The following PPARGC1A variants were observed in gnomAD, a reference collection of about 807,000 sequenced individuals.
The protein encoded by PPARGC1A is peroxisome proliferator-activated receptor gamma coactivator 1-alpha.
In PPARGC1A, 25 loss-of-function variants were observed where a neutral mutation model predicts 88.7. The ratio of observed to expected loss-of-function variants is 0.28; its 90% CI spans 0.21 to 0.39. The LOEUF (loss-of-function observed/expected upper bound fraction) is 0.39. Ranked by LOEUF, PPARGC1A falls within the 10% of genes least tolerant of loss-of-function variation. PPARGC1A has a pLI of 1.00. For synonymous variants in PPARGC1A, 363 were observed against 355.6 expected, an observed-to-expected ratio of 1.02 and a Z score of -0.24; for missense variants, 880 against 968.7, an observed-to-expected ratio of 0.91 and a Z score of 1.22.
At chr4:24,126,382 T>C in the PPARGC1A span, among the ~76,000 whole-genome samples, 2 of 152,102 alleles carry the variant, frequency 1.3e-5, no homozygotes, top group Non-Finnish European at 2.9e-5. Flanking sequence ...AGTCTAAAGT[T>C]ACACAAGGGG....
At chr4:23,927,950 T>G in the PPARGC1A span, among the ~76,000 whole-genome samples, 1 of 152,134 alleles carries the variant, frequency 6.6e-6, no homozygotes, top group Non-Finnish European at 1.5e-5. Context: ...GCATTAATCT[T>G]TTGGTTACTA....
At chr4:24,425,481 A>C in the PPARGC1A span, among the ~76,000 whole-genome samples, 1 of 152,214 alleles carries the variant, frequency 6.6e-6, no homozygotes, top group African/African-American at 2.4e-5. Flanking sequence ...ATTCTTCTCT[A>C]CTTTAGACAA....
chr4:23,941,131 TCCC>T, the PPARGC1A span, among the ~76,000 whole-genome samples: 182 of 152,194 alleles, frequency 1.2e-3, 1 homozygote, highest in African/African-American at 3.8e-3. Context: ...GCTCACTGTA[TCCC>T]CCAACTCCCC....
At chr4:24,076,601 G>C in the PPARGC1A span, among the ~76,000 whole-genome samples, 6 of 152,188 alleles carry the variant, frequency 3.9e-5, no homozygotes, top group East Asian at 1.2e-3. Context: ...GCCAAGCCTG[G>C]GGGGCTGGAC....
the PPARGC1A span, among the ~76,000 whole-genome samples, chr4:24,225,102 C>A: frequency 2.4e-4 from 36 of 152,016 alleles, no homozygotes; most frequent in Non-Finnish European, 4.6e-4. Flanking sequence ...TATGGGGAGC[C>A]CCTGAAGGGT....
At chr4:24,421,233 T>A in the PPARGC1A span, among the ~76,000 whole-genome samples, 1 of 152,074 alleles carries the variant, frequency 6.6e-6, no homozygotes, top group South Asian at 2.1e-4. Context: ...CAGGAGTATG[T>A]CCCAAATATT....
At chr4:23,935,159 T>C in the PPARGC1A span, among the ~76,000 whole-genome samples, 2 of 152,176 alleles carry the variant, frequency 1.3e-5, no homozygotes, top group Admixed American at 1.3e-4. Flanking sequence ...CTGCCCACAA[T>C]GCTCGCATGC....
At chr4:24,024,253 G>A in the PPARGC1A span, among the ~76,000 whole-genome samples, 6 of 152,154 alleles carry the variant, frequency 3.9e-5, no homozygotes, top group Non-Finnish European at 8.8e-5. Flanking sequence ...CTTATCTCAC[G>A]TAATCCTCCC....
the PPARGC1A span, among the ~76,000 whole-genome samples, chr4:24,100,545 C>T: frequency 1.3e-5 from 2 of 152,176 alleles, no homozygotes; most frequent in Non-Finnish European, 2.9e-5. Context: ...ATGACAAGTG[C>T]ATGACGCCGC....
At chr4:24,349,934 C>A in the PPARGC1A span, among the ~76,000 whole-genome samples, 9 of 152,334 alleles carry the variant, frequency 5.9e-5, no homozygotes, top group Admixed American at 5.9e-4. Context: ...TGGTGCCAGG[C>A]AGGAATGGGC....
At chr4:24,243,498 G>GA in the PPARGC1A span, among the ~76,000 whole-genome samples, 1 of 152,166 alleles carries the variant, frequency 6.6e-6, no homozygotes, top group Non-Finnish European at 1.5e-5. Context: ...GGTGCAACTA[G>GA]AAAAGACTAG....
intron 7 of PPARGC1A, among the ~76,000 whole-genome samples, chr4:23,822,364 T>G (rs968172564): frequency 2.6e-5 from 4 of 152,090 alleles, no homozygotes; most frequent in Non-Finnish European, 5.9e-5. Flanking sequence ...CAAGTCAGGT[T>G]AGCCTATGGA....
the PPARGC1A span, among the ~76,000 whole-genome samples, chr4:24,032,487 C>T: frequency 6.6e-6 from 1 of 152,212 alleles, no homozygotes; most frequent in Non-Finnish European, 1.5e-5. Context: ...GTACTAGCTA[C>T]AATACCAGCT....
intron 10 of PPARGC1A, among the ~76,000 whole-genome samples, chr4:23,809,227 A>G (rs1720422569): frequency 6.6e-6 from 1 of 152,172 alleles, no homozygotes; most frequent in African/African-American, 2.4e-5. Flanking sequence ...CCCTGCACTC[A>G]AGTCCATAAA....
chr4:23,919,395 C>T, the PPARGC1A span, among the ~76,000 whole-genome samples: 1 of 152,006 alleles, frequency 6.6e-6, no homozygotes, highest in African/African-American at 2.4e-5. Flanking sequence ...TCAGTTTCCC[C>T]ATCTCTAAAA....
At chr4:24,430,253 T>G in the PPARGC1A span, among the ~76,000 whole-genome samples, 3 of 138,546 alleles carry the variant, frequency 2.2e-5, no homozygotes, top group Non-Finnish European at 4.6e-5. Flanking sequence ...TATTTTGTAT[T>G]TCTTTTTTTT....
At chr4:24,228,752 C>T in the PPARGC1A span, among the ~76,000 whole-genome samples, 3 of 152,182 alleles carry the variant, frequency 2.0e-5, no homozygotes, top group Admixed American at 2.0e-4. Context: ...GCTAATACTG[C>T]CTAAACATAC....
At chr4:24,450,805 A>T in the PPARGC1A span, among the ~76,000 whole-genome samples, 1 of 152,216 alleles carries the variant, frequency 6.6e-6, no homozygotes, top group East Asian at 1.9e-4. Context: ...AAGGAAAAAA[A>T]AATAGCTGTT....
the PPARGC1A span, among the ~76,000 whole-genome samples, chr4:23,942,884 A>G: frequency 3.3e-4 from 50 of 152,326 alleles, no homozygotes; most frequent in African/African-American, 1.2e-3. Flanking sequence ...CACTACAGAA[A>G]TACTTCAAGC....
Sources: gnomAD v4.1 joint callset for allele counts (sites outside exome capture counted in the v4.1 genomes callset) on GRCh38, gnomAD v4.1.1 for gene constraint, MANE v1.5 for transcripts, NCBI Gene and HGNC (gene_info 2026-07-23, HGNC 2026-07-21) for gene names.